The following TMCC1 variants were observed in gnomAD, a reference collection of about 807,000 sequenced individuals.
TMCC1 encodes the protein transmembrane and coiled-coil domain family 1.
In TMCC1, 15 loss-of-function variants were observed where a neutral mutation model predicts 52.4. The observed-to-expected ratio is 0.29, with a 90% CI of 0.19 to 0.44. The LOEUF is 0.44. Among genes scored for constraint, TMCC1 ranks in the 20% least tolerant of loss-of-function variants. The pLI is 1.00. For missense variants in TMCC1, 503 were observed against 806.0 expected (o/e 0.62, Z 4.55); for synonymous variants, 279 against 301.9 (o/e 0.92, Z 0.79).
intron 4 of TMCC1, among the ~76,000 whole-genome samples, chr3:129,786,406 A>G (rs1349736816): frequency 6.6e-6 from 1 of 152,132 alleles, no homozygotes; most frequent in East Asian, 1.9e-4. Flanking sequence ...TATGCACCAG[A>G]CTGGTGAGGG....
intron 2 of TMCC1, among the ~76,000 whole-genome samples, chr3:129,851,777 C>T (rs1356979556): frequency 6.6e-6 from 1 of 152,174 alleles, no homozygotes; most frequent in African/African-American, 2.4e-5. Context: ...CGAAGAGATA[C>T]CTATACACCC....
intron 6 of TMCC1, among the ~76,000 whole-genome samples, chr3:129,654,451 C>G (rs1197912050): frequency 6.6e-6 from 1 of 152,140 alleles, no homozygotes; most frequent in Non-Finnish European, 1.5e-5. Context: ...AAGAACTATT[C>G]CCTAAATACC....
At chr3:129,678,824 T>C (rs762649098) in intron 4 of TMCC1, among the ~76,000 whole-genome samples, 39 of 152,322 alleles carry the variant, frequency 2.6e-4, no homozygotes, top group Admixed American at 9.2e-4. Flanking sequence ...CTACAGAGTA[T>C]GTGTTATTAA....
intron 4 of TMCC1, among the ~76,000 whole-genome samples, chr3:129,813,668 A>T (rs2057948298): frequency 2.0e-5 from 3 of 152,134 alleles, no homozygotes; most frequent in Admixed American, 2.0e-4. Context: ...GAGGAGGGTG[A>T]GGATCGAAAA....
intron 4 of TMCC1, among the ~76,000 whole-genome samples, chr3:129,696,138 G>T (rs1212526008): frequency 1.3e-5 from 2 of 152,154 alleles, no homozygotes; most frequent in African/African-American, 4.8e-5. Flanking sequence ...TGAGAGTCTA[G>T]CACCTTTTAG....
At chr3:129,839,042 C>T (rs984845330) in intron 2 of TMCC1, among the ~76,000 whole-genome samples, 2 of 152,056 alleles carry the variant, frequency 1.3e-5, no homozygotes, top group Non-Finnish European at 1.5e-5. Context: ...ATAGAGAATT[C>T]ACTGCCAGGA....
intron 4 of TMCC1, among the ~76,000 whole-genome samples, chr3:129,716,923 G>A (rs1334990535): frequency 6.6e-6 from 1 of 152,200 alleles, no homozygotes; most frequent in East Asian, 1.9e-4. Flanking sequence ...CAAGTGGTGA[G>A]TGGCTGAGTC....
intron 2 of TMCC1, among the ~76,000 whole-genome samples, chr3:129,858,056 G>T (rs1480818969): frequency 1.3e-5 from 2 of 151,824 alleles, no homozygotes; most frequent in Non-Finnish European, 2.9e-5. Context: ...TCTAAACAAA[G>T]GGAAGTTTTA....
At chr3:129,695,414 C>A (rs979207153) in intron 4 of TMCC1, among the ~76,000 whole-genome samples, 1 of 152,100 alleles carries the variant, frequency 6.6e-6, no homozygotes. Context: ...TAAAGACATA[C>A]CGAAGACTGG....
intron 2 of TMCC1, among the ~76,000 whole-genome samples, chr3:129,852,239 T>C (rs2059945173): frequency 6.6e-6 from 1 of 151,976 alleles, no homozygotes. Flanking sequence ...GGTGGATCAT[T>C]TGAGGTCAGG....
chr3:129,694,067 G>A (rs2047217745), intron 4 of TMCC1, among the ~76,000 whole-genome samples: 1 of 152,212 alleles, frequency 6.6e-6, no homozygotes, highest in African/African-American at 2.4e-5. Flanking sequence ...GAGGTGGTAA[G>A]GAAAGTCACT....
intron 1 of TMCC1, among the ~76,000 whole-genome samples, chr3:129,884,708 CTACA>C (rs1405807921): frequency 6.6e-6 from 1 of 152,092 alleles, no homozygotes; most frequent in Non-Finnish European, 1.5e-5. Context: ...TAGTATTCTA[CTACA>C]TAAACAGTGG....
rs544931642 is a variant in TMCC1 at position 129,751,518 on chromosome 3, A to C, written c.576+76285T>G. Among the ~76,000 whole-genome samples the C allele has an allele frequency of 2.0e-5, 3 of 151,904 alleles. No homozygotes were observed. The South Asian group carries it at 6.3e-4, about 32-fold the overall frequency. On this transcript the variant is annotated intron_variant, in intron 4 of 6. Transcript: ENST00000393238. ...GCACTCCAGCCTTTCTGACAGAGCA[A>C]GACCCTGTCTCTTCAAACCAACCAA...
Position 129,808,971 on chromosome 3 carries a change from C to G in TMCC1, c.576+18832G>C, listed in dbSNP as rs190944966. ...ACTTGTTTCTGAGAGCTTAACAAAC[C>G]TGGAAGATTAGGCCAGGAGCAGTGG... On this transcript the variant is annotated intron_variant, in intron 4 of 6. Transcript: ENST00000393238. Among the ~76,000 whole-genome samples the G allele has an allele frequency of 1.9e-4, 29 of 149,146 alleles. No individual in the cohort carries two copies. In the East Asian group the frequency reaches 5.5e-3, roughly 28 times the overall value.
At chr3:129,789,175 A>G (rs1228644887) in intron 4 of TMCC1, among the ~76,000 whole-genome samples, 3 of 152,172 alleles carry the variant, frequency 2.0e-5, no homozygotes, top group Non-Finnish European at 4.4e-5. Context: ...ATAATATTAT[A>G]CTACTTCACT....
At chr3:129,681,587 G>A (rs1309374776) in intron 4 of TMCC1, among the ~76,000 whole-genome samples, 2 of 151,894 alleles carry the variant, frequency 1.3e-5, no homozygotes, top group Non-Finnish European at 2.9e-5. Context: ...ATAATCATAA[G>A]CCACTAGAAC....
chr3:129,653,986 A>G (rs1251995492), intron 6 of TMCC1, among the ~76,000 whole-genome samples: 2 of 152,168 alleles, frequency 1.3e-5, no homozygotes, highest in African/African-American at 4.8e-5. Flanking sequence ...GCAATTAGAA[A>G]AAAGCTTCCA....
chr3:129,766,723 A>C (rs1041503495), intron 4 of TMCC1, among the ~76,000 whole-genome samples: 1 of 151,742 alleles, frequency 6.6e-6, no homozygotes, highest in Non-Finnish European at 1.5e-5. Context: ...GGCTCAAGTG[A>C]TCCTCCCACC....
chr3:129,699,994 CTGAG>C (rs1356273678), intron 4 of TMCC1, among the ~76,000 whole-genome samples: 2 of 152,092 alleles, frequency 1.3e-5, no homozygotes, highest in Non-Finnish European at 2.9e-5. Context: ...ATTTTTTTCA[CTGAG>C]TATTTTCACA....
Sources: gnomAD v4.1 joint callset for allele counts (sites outside exome capture counted in the v4.1 genomes callset) on GRCh38, gnomAD v4.1.1 for gene constraint, MANE v1.5 for transcripts, NCBI Gene and HGNC (gene_info 2026-07-23, HGNC 2026-07-21) for gene names.